Variants in LRRIQ1 observed in about 807,000 individuals in gnomAD.
LRRIQ1 encodes leucine-rich repeat- and IQ domain-containing protein 1.
In LRRIQ1, 210 loss-of-function variants were observed where a neutral mutation model predicts 211.9. The observed-to-expected ratio is 0.99, with a 90% CI of 0.89 to 1.11. The LOEUF is 1.11. LRRIQ1 is among the 50% of genes most tolerant of loss of function. LRRIQ1 has a pLI of 0.00. For synonymous variants in LRRIQ1, 699 were observed against 650.1 expected (o/e 1.08, Z -1.14); for missense variants, 2,136 against 1,939.5 (o/e 1.10, Z -1.90).
At chr12:85,131,489 ACACCTTAAGTAATAGTAGGACT>A (rs1235008790) in intron 18 of LRRIQ1, among the ~76,000 whole-genome samples, 1 of 152,188 alleles carries the variant, frequency 6.6e-6, no homozygotes, top group Non-Finnish European at 1.5e-5. Context: ...GATATGAGCT[ACACCTTAAGTAATAGTAGGACT>A]CAATGTAGAT....
In LRRIQ1 at chr12:85,152,310, G is replaced by C. The variant is rs201978322; in HGVS notation, c.4360G>C (p.Asp1454His). Residue 1454 changes from aspartate (D) to histidine (H), a missense_variant, in exon 20 of 27, where the codon GAT becomes CAT. Physicochemically the swap from Asp to His is moderately conservative, Grantham distance 81. Coordinates refer to ENST00000393217, the MANE Select transcript of LRRIQ1 (RefSeq NM_001079910.2). ...CTTAGAAGAAGAATGGCTAGCATTA[G>C]ATTCCACCCGCTTCCCTTCACAAAC... ...AALEEEWLAL[D>H]STRFPSQTLL... The C allele has an allele frequency of 7.4e-6, 12 of 1,611,276 alleles. No individual in the cohort carries two copies. Among genetic ancestry groups the C allele is most frequent in the Admixed American group, 5.0e-5 (3 of 59,674 alleles).
At chr12:85,175,145 C>A (rs1460270014) in intron 24 of LRRIQ1, among the ~76,000 whole-genome samples, 1 of 152,098 alleles carries the variant, frequency 6.6e-6, no homozygotes, top group Non-Finnish European at 1.5e-5. Context: ...TAATTTATTT[C>A]CCTTGCAATC....
At chr12:85,250,549 G>A (rs1037494495) in intron 1 of LRRIQ1, among the ~76,000 whole-genome samples, 106 of 150,848 alleles carry the variant, frequency 7.0e-4, no homozygotes, top group African/African-American at 2.5e-3. Flanking sequence ...AGACCAGCCT[G>A]AGCAACATAG....
chr12:85,148,232 A>G (rs113214837), intron 19 of LRRIQ1, among the ~76,000 whole-genome samples: 3,680 of 151,702 alleles, frequency 0.024, 155 homozygotes, highest in East Asian at 0.2. Context: ...CAGATTTGTT[A>G]CATAGGTATA....
intron 2 of LRRIQ1, 134 bp downstream of exon 2, chr12:85,038,442 A>T: frequency 2.4e-6 from 1 of 413,756 alleles, no homozygotes; most frequent in Non-Finnish European, 3.7e-6. Flanking sequence ...TATAAATTAT[A>T]TTGAATATAT....
chr12:85,084,381 A>G (rs574218432), intron 11 of LRRIQ1, among the ~76,000 whole-genome samples: 8 of 152,276 alleles, frequency 5.3e-5, no homozygotes, highest in South Asian at 2.1e-4. Flanking sequence ...AATTCAGCCA[A>G]TGATGCCTAC....
intron 18 of LRRIQ1, among the ~76,000 whole-genome samples, chr12:85,136,379 G>T (rs941252506): frequency 2.4e-4 from 36 of 151,966 alleles, no homozygotes; most frequent in Admixed American, 2.3e-3. Context: ...ATTGGAGGTT[G>T]TTGGCATGGG....
intron 17 of LRRIQ1, among the ~76,000 whole-genome samples, chr12:85,127,161 C>G (rs768151422): frequency 6.6e-6 from 1 of 152,152 alleles, no homozygotes; most frequent in African/African-American, 2.4e-5. Context: ...ACTGACAATC[C>G]ACTTTTATAA....
intron 15 of LRRIQ1, among the ~76,000 whole-genome samples, chr12:85,121,110 G>A (rs948205935): frequency 1.3e-5 from 2 of 151,986 alleles, no homozygotes; most frequent in Non-Finnish European, 2.9e-5. Context: ...TGGGATTACA[G>A]GTGCGCACCA....
chr12:85,056,898 ACT>A lies in LRRIQ1; in HGVS notation c.2110_2111del (p.Leu704Ter), dbSNP rs1316543273. 1.9e-6 allele frequency: 3 copies of A among 1,613,130 alleles called. No individual in the cohort carries two copies. Among genetic ancestry groups the A allele is most frequent in the South Asian group, 1.1e-5 (1 of 90,996 alleles). Reference sequence around the variant, plus strand: ...AGCTCCATGGTATCTAAAGAAGTCAACTCTCTTAAATCTGAGATTAGAAATAT... The same window carrying A: ...AGCTCCATGGTATCTAAAGAAGTCAACTCTTAAATCTGAGATTAGAAATAT... On this transcript the variant is annotated frameshift_variant, in exon 8 of 27. Coordinates refer to ENST00000393217, the MANE Select transcript of LRRIQ1 (RefSeq NM_001079910.2). LOFTEE classifies it high-confidence loss of function.
chr12:85,056,876 T>C lies in LRRIQ1; in HGVS notation c.2083T>C (p.Ser695Pro), dbSNP rs1314446190. Residue 695 changes from serine (S) to proline (P), a missense_variant, in exon 8 of 27, where the codon TCC (serine) becomes CCC (proline). Ser to Pro is a moderately conservative substitution (Grantham distance 74, BLOSUM62 -1). Coordinates refer to ENST00000393217, the MANE Select transcript of LRRIQ1 (RefSeq NM_001079910.2). ...EGLSNYNAES[S>P]MVSKEVNSLK... ...CTTGAGTAACTATAATGCAGAAAGCTCCATGGTATCTAAAGAAGTCAACTC... is the reference window on the plus strand; with the variant it reads ...CTTGAGTAACTATAATGCAGAAAGCCCCATGGTATCTAAAGAAGTCAACTC... 6.2e-7 allele frequency: 1 copy of C among 1,613,404 alleles called. No homozygotes were observed. The highest frequency in any genetic ancestry group is 2.2e-5 in the East Asian group (1 of 44,852).
chr12:85,249,968 CAAT>C (rs1355296630), downstream of LRRIQ1, among the ~76,000 whole-genome samples: 1 of 151,796 alleles, frequency 6.6e-6, no homozygotes, highest in Non-Finnish European at 1.5e-5. Context: ...TTGTCAACAA[CAAT>C]GTTGTACTAA....
At chr12:85,050,213 C>T (rs1170093864) in intron 6 of LRRIQ1, among the ~76,000 whole-genome samples, 2 of 152,114 alleles carry the variant, frequency 1.3e-5, no homozygotes, top group African/African-American at 2.4e-5. Flanking sequence ...AGAGTTCAAC[C>T]TGAGATTTGG....
chr12:85,040,720 T>C, intron 3 of LRRIQ1, 119 bp downstream of exon 3: 1 of 506,216 alleles, frequency 2.0e-6, no homozygotes, highest in Non-Finnish European at 3.5e-6. Context: ...TGTATACATT[T>C]AGTGTATTTC....
intron 24 of LRRIQ1, among the ~76,000 whole-genome samples, chr12:85,163,765 T>C (rs773478851): frequency 2.0e-5 from 3 of 152,172 alleles, no homozygotes; most frequent in Non-Finnish European, 4.4e-5. Context: ...TATCAAATTA[T>C]ATTAAAAATA....
intron 26 of LRRIQ1, among the ~76,000 whole-genome samples, chr12:85,241,027 A>G (rs528008282): frequency 6.6e-6 from 1 of 152,236 alleles, no homozygotes; most frequent in Admixed American, 6.6e-5. Flanking sequence ...TAGAACTGCA[A>G]ACAAGAAAAA....
intron 24 of LRRIQ1, among the ~76,000 whole-genome samples, chr12:85,224,138 A>G (rs1209846810): frequency 8.2e-6 from 1 of 122,474 alleles, no homozygotes; most frequent in Non-Finnish European, 1.6e-5. Context: ...CAGACAGCAA[A>G]CATATGAAAA....
intron 13 of LRRIQ1, among the ~76,000 whole-genome samples, chr12:85,102,900 G>A (rs1400097512): frequency 7.1e-6 from 1 of 141,372 alleles, no homozygotes; most frequent in East Asian, 2.1e-4. Context: ...GAACAGCTAT[G>A]GAATTATAGT....
intron 24 of LRRIQ1, among the ~76,000 whole-genome samples, chr12:85,195,441 A>C (rs1190666422): frequency 3.1e-4 from 47 of 151,330 alleles, no homozygotes; most frequent in Admixed American, 9.9e-4. Context: ...TACTGGCAAA[A>C]CGAATCCAGC....
Sources: gnomAD v4.1 joint callset for allele counts (sites outside exome capture counted in the v4.1 genomes callset) on GRCh38, gnomAD v4.1.1 for gene constraint, MANE v1.5 for transcripts, NCBI Gene and HGNC (gene_info 2026-07-23, HGNC 2026-07-21) for gene names.